The following APOBR variants were observed in gnomAD, a reference collection of about 807,000 sequenced individuals.
APOBR encodes the protein apoB-48R.
A neutral mutation model predicts 88.5 loss-of-function variants in APOBR; 57 were observed. The ratio of observed to expected loss-of-function variants is 0.64; its 90% CI spans 0.52 to 0.80. The LOEUF (loss-of-function observed/expected upper bound fraction) is 0.80. Ranked by LOEUF, APOBR falls within the 30% of genes least tolerant of loss-of-function variation. The pLI, the probability that APOBR is intolerant of heterozygous loss-of-function variation, is 0.00. For missense variants in APOBR, 1,443 were observed against 1,401.6 expected, an observed-to-expected ratio of 1.03 and a Z score of -0.47; for synonymous variants, 588 against 572.7, an observed-to-expected ratio of 1.03 and a Z score of -0.38.
At position 28,498,294 on chromosome 16, in the gene APOBR, C is replaced by A. The variant is rs1293414374; in HGVS notation, c.3169C>A (p.Pro1057Thr). The change falls in exon 3 of 4, where the codon CCT becomes ACT. Residue 1057 changes from proline (P) to threonine (T), a missense_variant. Physicochemically the swap from Pro to Thr is conservative, Grantham distance 38 (BLOSUM62 -1). Coordinates refer to ENST00000564831, the MANE Select transcript of APOBR (RefSeq NM_018690.4). Reference sequence around the variant, plus strand: ...GCTGGAGGAACCCCTGGAGCCAAGCCCTCTGAGGCATGATGGGACCCCGGT... The same window carrying A: ...GCTGGAGGAACCCCTGGAGCCAAGCACTCTGAGGCATGATGGGACCCCGGT... ...LQLEEPLEPS[P>T]LRHDGTPVPA... is the part of the protein sequence containing the mutation. 1.2e-6 allele frequency: 2 copies of A among 1,603,386 alleles called. No homozygotes were observed. Among genetic ancestry groups the A allele is most frequent in the Admixed American group, 3.4e-5 (2 of 58,162 alleles).
Position 28,497,027 on chromosome 16 carries a change from T to G in APOBR, c.1986T>G (p.Ala662=). The G allele has an allele frequency of 6.3e-7, 1 of 1,582,806 alleles. No individual in the cohort carries two copies. The highest frequency in any genetic ancestry group is 8.6e-7 in the Non-Finnish European group (1 of 1,165,248). The change falls in exon 2 of 4, where the codon GCT becomes GCG. Residue 662 remains alanine (A), a synonymous_variant. Transcript: ENST00000564831. The part of the protein sequence containing the change: ...TAGGQTLAAE[A]EGDRESELSE... ...GAGGCCAGACCCTGGCGGCTGAGGCTGAAGGAGACCGAGAGTCTGAACTAT... is the reference window on the plus strand; with the variant it reads ...GAGGCCAGACCCTGGCGGCTGAGGCGGAAGGAGACCGAGAGTCTGAACTAT...
In APOBR at chr16:28,497,971, G is replaced by A. The variant is rs1171415218; in HGVS notation, c.2930G>A (p.Gly977Glu). The change falls in exon 2 of 4, where the codon GGA (glycine) becomes GAA (glutamate). Residue 977 changes from glycine to glutamate, a missense_variant. By Grantham distance (98) the Gly-to-Glu change is moderately conservative. Coordinates refer to ENST00000564831, the MANE Select transcript of APOBR (RefSeq NM_018690.4). ...ETAEAMGSAR[G>E]GAANSWSEAP... is the part of the protein sequence containing the mutation. Reference sequence around the variant, plus strand: ...GCTGAGGCCATGGGCAGTGCCAGAGGAGGTGCTGCCAACAGCTGGAGCGAG... The same window carrying A: ...GCTGAGGCCATGGGCAGTGCCAGAGAAGGTGCTGCCAACAGCTGGAGCGAG... 2 of 1,606,192 alleles carry A rather than the reference G, an allele frequency of 1.2e-6. No individual in the cohort carries two copies. The highest frequency in any genetic ancestry group is 1.3e-5 in the African/African-American group (1 of 74,620).
At chr16:28,495,052 T>C (rs2046378165) in intron 1 of APOBR, 47 bp from the exon 2 acceptor site, 2 of 1,447,578 alleles carry the variant, frequency 1.4e-6, no homozygotes, top group Non-Finnish European at 1.8e-6. Context: ...GGGAAAGGGC[T>C]GGGACTCTCC....
rs779208881 is a variant in APOBR at position 28,498,287 on chromosome 16, G to A, written c.3162G>A (p.Glu1054=). 8 of 1,604,132 alleles carry A rather than the reference G, an allele frequency of 5.0e-6. No homozygotes were observed. In the South Asian group the frequency reaches 9.0e-5, roughly 18 times the overall value. The change falls in exon 3 of 4, where the codon GAG becomes GAA. Residue 1054 remains glutamate (E), a synonymous_variant. Transcript: ENST00000564831. ...CCCTCCAGCTGGAGGAACCCCTGGA[G>A]CCAAGCCCTCTGAGGCATGATGGGA... ...QRPLQLEEPL[E]PSPLRHDGTP... is the part of the protein sequence containing the mutation.
Position 28,497,663 on chromosome 16 carries a change from T to TG in APOBR, c.2628dup (p.Leu877AlafsTer25), listed in dbSNP as rs1378251183. 1 of 1,602,438 alleles carries TG rather than the reference T, an allele frequency of 6.2e-7. No individual in the cohort carries two copies. On this transcript the variant is annotated frameshift_variant, in exon 2 of 4. Transcript: ENST00000564831. LOFTEE classifies it high-confidence loss of function. ...AGGGGATGGGAGCCATGGTGGAGGC[T>TG]GGGGGGCTTCTAGAAAAGTGGACGC...
chr16:28,495,832 G>A lies in APOBR; in HGVS notation c.791G>A (p.Gly264Glu). Reference sequence around the variant, plus strand: ...GCCTGTGAAAGCACTAGGGCATGGGGGACGTGGGGCCCAGGGGCAGAGCCT... The same window carrying A: ...GCCTGTGAAAGCACTAGGGCATGGGAGACGTGGGGCCCAGGGGCAGAGCCT... ...EKACESTRAW[G>E]TWGPGAEPED... The change falls in exon 2 of 4, where the codon GGG becomes GAG. Residue 264 changes from glycine (G) to glutamate (E), a missense_variant. Coordinates refer to ENST00000564831, the MANE Select transcript of APOBR (RefSeq NM_018690.4). 1 of 1,608,012 alleles carries A rather than the reference G, an allele frequency of 6.2e-7. No homozygotes were observed. Among genetic ancestry groups the A allele is most frequent in the Non-Finnish European group, 8.5e-7 (1 of 1,177,558 alleles).
Position 28,496,880 on chromosome 16 carries a change from G to C in APOBR, c.1839G>C (p.Lys613Asn). ...EAGPRHAGSV[K>N]PEASEAFPGA... ...GTCCCAGGCACGCGGGGTCTGTAAAGCCTGAGGCCTCCGAGGCCTTCCCAG... is the reference window on the plus strand; with the variant it reads ...GTCCCAGGCACGCGGGGTCTGTAAACCCTGAGGCCTCCGAGGCCTTCCCAG... Residue 613 changes from lysine (K) to asparagine (N), a missense_variant, in exon 2 of 4, where the codon AAG becomes AAC. By Grantham distance (94) the Lys-to-Asn change is moderately conservative (BLOSUM62 0). Transcript: ENST00000564831. The C allele has an allele frequency of 1.3e-6, 2 of 1,560,886 alleles. No individual in the cohort carries two copies. The highest frequency in any genetic ancestry group is 1.7e-6 in the Non-Finnish European group (2 of 1,152,580).
Position 28,496,621 on chromosome 16 carries a change from G to A in APOBR, c.1580G>A (p.Arg527Lys). Reference sequence around the variant, plus strand: ...GACTTGGAGGCAACTCCAGAGGCCAGGCCTGAGGAGGAGCTCACAGGGGAG... The same window carrying A: ...GACTTGGAGGCAACTCCAGAGGCCAAGCCTGAGGAGGAGCTCACAGGGGAG... The part of the protein sequence containing the change: ...TADLEATPEA[R>K]PEEELTGEES... Residue 527 changes from arginine to lysine, a missense_variant, in exon 2 of 4, where the codon AGG (arginine) becomes AAG (lysine). Coordinates refer to ENST00000564831, the MANE Select transcript of APOBR (RefSeq NM_018690.4). 1 of 1,588,660 alleles carries A rather than the reference G, an allele frequency of 6.3e-7. No homozygotes were observed. The highest frequency in any genetic ancestry group is 1.3e-5 in the African/African-American group (1 of 74,552).
In APOBR at chr16:28,497,010, A is replaced by G. The variant is rs775395043; in HGVS notation, c.1969A>G (p.Thr657Ala). 43 of 1,574,614 alleles carry G rather than the reference A, an allele frequency of 2.7e-5. No individual in the cohort carries two copies. Among genetic ancestry groups the G allele is most frequent in the Middle Eastern group, 1.7e-4 (1 of 5,996 alleles). The change falls in exon 2 of 4, where the codon ACC becomes GCC. Residue 657 changes from threonine to alanine, a missense_variant. By Grantham distance (58) the Thr-to-Ala change is moderately conservative. Coordinates refer to ENST00000564831, the MANE Select transcript of APOBR (RefSeq NM_018690.4). ...GGAGGAGGAGACTGCGGGAGGCCAG[A>G]CCCTGGCGGCTGAGGCTGAAGGAGA... ...REEEETAGGQ[T>A]LAAEAEGDRE...
rs756694648 is a variant in APOBR, at chr16:28,495,952, T to TCTCAGGCGGGGAGGAGGCTGAGACAGC, written c.933_959dup (p.Glu320_Ala328dup). ...TTAGATGGGGAGGAAGCCAGGACAA[T>TCTCAGGCGGGGAGGAGGCTGAGACAGC]CTCAGGCGGGGAGGAGGCTGAGACA... On this transcript the variant is annotated inframe_insertion, in exon 2 of 4. Transcript: ENST00000564831. 67 of 1,602,944 alleles carry TCTCAGGCGGGGAGGAGGCTGAGACAGC rather than the reference T, an allele frequency of 4.2e-5. No individual in the cohort carries two copies. The highest frequency in any genetic ancestry group is 5.1e-5 in the Non-Finnish European group (60 of 1,179,240).
Position 28,496,313 on chromosome 16 carries a change from C to G in APOBR, c.1272C>G (p.Phe424Leu). The part of the protein sequence containing the change: ...DEEREAEVSP[F>L]PKQPQVLGTE... ...AGAGAGAGGCTGAGGTGAGCCCTTT[C>G]CCCAAACAGCCCCAGGTCCTGGGCA... is the stretch of plus-strand genomic sequence containing the variant. The change falls in exon 2 of 4, where the codon TTC (phenylalanine) becomes TTG (leucine). Residue 424 changes from phenylalanine (F) to leucine (L), a missense_variant. Coordinates refer to ENST00000564831, the MANE Select transcript of APOBR (RefSeq NM_018690.4). The G allele has an allele frequency of 1.3e-6, 2 of 1,583,752 alleles. No individual in the cohort carries two copies. Among genetic ancestry groups the G allele is most frequent in the South Asian group, 2.3e-5 (2 of 86,264 alleles).
intron 1 of APOBR, 54 bp downstream of exon 1, chr16:28,494,792 C>A: frequency 1.3e-6 from 2 of 1,531,344 alleles, no homozygotes; most frequent in Non-Finnish European, 1.8e-6. Context: ...TGGGGCCTCA[C>A]TTCCGGGCAC....
At position 28,497,669 on chromosome 16, in the gene APOBR, G is replaced by C. The variant is rs1174157744; in HGVS notation, c.2628G>C (p.Gly876=). 7.5e-6 allele frequency: 12 copies of C among 1,602,256 alleles called. No homozygotes were observed. The highest frequency in any genetic ancestry group is 1.0e-5 in the Non-Finnish European group (12 of 1,174,542). The change falls in exon 2 of 4, where the codon GGG becomes GGC. Residue 876 remains glycine (G), a synonymous_variant. Transcript: ENST00000564831. ...TGGGAGCCATGGTGGAGGCTGGGGG[G>C]CTTCTAGAAAAGTGGACGCTGTTGG... ...EGMGAMVEAG[G]LLEKWTLLEE...
In APOBR at chr16:28,498,823, C is replaced by G. The variant is rs748211266; in HGVS notation, c.*318C>G. ...GGAGGCTGGGCACGGGGGCTCACGCCTGTCACCCCAGAGCTTTGGGAGGCC... is the reference window on the plus strand; with the variant it reads ...GGAGGCTGGGCACGGGGGCTCACGCGTGTCACCCCAGAGCTTTGGGAGGCC... On this transcript the variant is annotated 3_prime_UTR_variant, in exon 4 of 4. Transcript: ENST00000564831. 3 of 565,230 alleles carry G rather than the reference C, an allele frequency of 5.3e-6. No individual in the cohort carries two copies. In the African/African-American group the frequency reaches 5.6e-5, roughly 11 times the overall value. The allele number at this position is 565,230 out of a possible 1,614,324, so 35.0% of individuals were successfully genotyped here. A position where few individuals can be genotyped will look rare whatever the true frequency, so the allele number is the denominator to read the frequency against.
chr16:28,496,236 C>A lies in APOBR; in HGVS notation c.1195C>A (p.Leu399Ile). The A allele has an allele frequency of 6.2e-7, 1 of 1,602,706 alleles. No individual in the cohort carries two copies. The highest frequency in any genetic ancestry group is 1.3e-5 in the African/African-American group (1 of 74,618). Reference sequence around the variant, plus strand: ...ATATGGAGCAGTCCCAGGAGAAAGGCTCCTAGAGGCTACTGGAAAAGTCTG... The same window carrying A: ...ATATGGAGCAGTCCCAGGAGAAAGGATCCTAGAGGCTACTGGAAAAGTCTG... ...TEYGAVPGER[L>I]LEATGKVWVL... is the part of the protein sequence containing the mutation. The change falls in exon 2 of 4, where the codon CTC (leucine) becomes ATC (isoleucine). Residue 399 changes from leucine (L) to isoleucine (I), a missense_variant. Coordinates refer to ENST00000564831, the MANE Select transcript of APOBR (RefSeq NM_018690.4).
rs973807020 is a variant in APOBR, at chr16:28,494,820, C to T, written c.57+82C>T. On this transcript the variant is annotated intron_variant, in intron 1 of 3. Transcript: ENST00000564831. ...CCGGGCACCTCCCCTGGGGCCTCAC[C>T]TTTCCCCTCCTCCTTCTGATCTCCT... is the stretch of plus-strand genomic sequence containing the variant. The T allele has an allele frequency of 3.8e-6, 5 of 1,300,528 alleles. No individual in the cohort carries two copies. In the African/African-American group the frequency reaches 7.4e-5, roughly 19 times the overall value. 80.6% of individuals were successfully genotyped at this position (1,300,528 alleles called of 1,614,324 possible). A position where few individuals can be genotyped will look rare whatever the true frequency, so the allele number is the denominator to read the frequency against.
At chr16:28,494,927 C>G in intron 1 of APOBR, 172 bp from the exon 2 acceptor site, 1 of 832,018 alleles carries the variant, frequency 1.2e-6, no homozygotes, top group Non-Finnish European at 1.8e-6. Flanking sequence ...TCCAACCATG[C>G]GTCCTCGTAC....
At position 28,498,810 on chromosome 16, in the gene APOBR, CG is replaced by C; in HGVS notation, c.*310del. The C allele has an allele frequency of 3.5e-6, 2 of 564,282 alleles. No individual in the cohort carries two copies. The highest frequency in any genetic ancestry group is 6.4e-6 in the Non-Finnish European group (2 of 310,582). The allele number at this position is 564,282 out of a possible 1,614,324, so 35.0% of individuals were successfully genotyped here. A position where few individuals can be genotyped will look rare whatever the true frequency, so the allele number is the denominator to read the frequency against. ...GTCTGGACTGCAAGGAGGCTGGGCA[CG>C]GGGGCTCACGCCTGTCACCCCAGAG... On this transcript the variant is annotated 3_prime_UTR_variant, in exon 4 of 4. Transcript: ENST00000564831.
In APOBR at chr16:28,497,383, C is replaced by T; in HGVS notation, c.2342C>T (p.Ala781Val). 1 of 1,612,376 alleles carries T rather than the reference C, an allele frequency of 6.2e-7. No homozygotes were observed. Among genetic ancestry groups the T allele is most frequent in the Non-Finnish European group, 8.5e-7 (1 of 1,179,234 alleles). Residue 781 changes from alanine (A) to valine (V), a missense_variant, in exon 2 of 4, where the codon GCT (alanine) becomes GTT (valine). By Grantham distance (64) the Ala-to-Val change is moderately conservative. Transcript: ENST00000564831. ...PHISAAGAGEALEGVLGQGWD... is the reference protein window; with the variant it reads ...PHISAAGAGEVLEGVLGQGWD... ...ATCAGCGCTGCTGGCGCTGGTGAAGCTTTGGAAGGGGTGCTTGGGCAAGGC... is the reference window on the plus strand; with the variant it reads ...ATCAGCGCTGCTGGCGCTGGTGAAGTTTTGGAAGGGGTGCTTGGGCAAGGC...
Sources: allele counts gnomAD v4.1 joint callset, GRCh38; gene constraint gnomAD v4.1.1; transcripts MANE v1.5; gene names NCBI Gene and HGNC (gene_info 2026-07-23, HGNC 2026-07-21).